Variants in CDC25B observed in about 807,000 individuals in gnomAD.
CDC25B encodes M-phase inducer phosphatase 2.
CDC25B carries 33 observed loss-of-function variants against 69.8 expected under a neutral mutation model. The observed-to-expected ratio is 0.47, with a 90% CI of 0.36 to 0.63. The LOEUF (loss-of-function observed/expected upper bound fraction) is 0.63. Ranked by LOEUF, CDC25B falls within the 30% of genes least tolerant of loss-of-function variation. The pLI is 0.00. For missense variants in CDC25B, 727 were observed against 809.1 expected (o/e 0.90, Z 1.23); for synonymous variants, 341 against 314.6 (o/e 1.08, Z -0.89).
chr20:3,795,770 G>A (rs1568501617), upstream of CDC25B: 27 of 985,492 alleles, frequency 2.7e-5, no homozygotes, highest in Non-Finnish European at 3.1e-5. Context: ...AGTCGCGGAG[G>A]CGGGGAGGCT....
In CDC25B at chr20:3,802,058, GA is replaced by G. The variant is rs1427245573; in HGVS notation, c.1057del (p.Ser353AlafsTer2). 6.4e-7 allele frequency: 1 copy of G among 1,565,008 alleles called. No homozygotes were observed. The highest frequency in any genetic ancestry group is 8.7e-7 in the Non-Finnish European group (1 of 1,154,872). On this transcript the variant is annotated frameshift_variant, in exon 10 of 16. Coordinates refer to ENST00000245960, the MANE Select transcript of CDC25B (RefSeq NM_021873.4). LOFTEE classifies it high-confidence loss of function. ...DTPVQNKRRR[S>X]VTPPEEQQEA... Reference sequence around the variant, plus strand: ...CGCCCGTGCAGAATAAGCGGAGGCGGAGCGTGACCCCTCCTGAGGAGCAGCA... The same window carrying G: ...CGCCCGTGCAGAATAAGCGGAGGCGGGCGTGACCCCTCCTGAGGAGCAGCA...
chr20:3,805,852 C>T lies in CDC25B; in HGVS notation c.*891C>T. On this transcript the variant is annotated 3_prime_UTR_variant, in exon 16 of 16. Transcript: ENST00000245960. Reference sequence around the variant, plus strand: ...GTGGATGGCCGTGGATGCGCAGTGCCTTGCATACCCAAACCAGGTGGGAGC... The same window carrying T: ...GTGGATGGCCGTGGATGCGCAGTGCTTTGCATACCCAAACCAGGTGGGAGC... 1 of 405,022 alleles carries T rather than the reference C, an allele frequency of 2.5e-6. No individual in the cohort carries two copies. The highest frequency in any genetic ancestry group is 4.4e-6 in the Non-Finnish European group (1 of 227,922). The allele number at this position is 405,022 out of a possible 1,614,324, so 25.1% of individuals were successfully genotyped here.
At position 3,805,826 on chromosome 20, in the gene CDC25B, C is replaced by T. The variant is rs1392166348; in HGVS notation, c.*865C>T. The T allele has an allele frequency of 1.2e-5, 5 of 405,700 alleles. No homozygotes were observed. The highest frequency in any genetic ancestry group is 2.1e-5 in the African/African-American group (1 of 48,750). 25.1% of individuals were successfully genotyped at this position (405,700 alleles called of 1,614,324 possible). ...AAGGTTGGATGGATGGGTGGATGGC[C>T]GTGGATGGCCGTGGATGCGCAGTGC... On this transcript the variant is annotated 3_prime_UTR_variant, in exon 16 of 16. Transcript: ENST00000245960.
chr20:3,798,303 A>G (rs1293228138), intron 2 of CDC25B, 109 bp from the exon 3 acceptor site: 2 of 721,834 alleles, frequency 2.8e-6, no homozygotes, highest in Non-Finnish European at 4.2e-6. Context: ...GTCAAAGTCC[A>G]AACTAGAAAC....
rs58192077 is a variant in CDC25B at position 3,798,315 on chromosome 20, G to GTTT, written c.329-77_329-75dup. 125 of 372,568 alleles carry GTTT rather than the reference G, an allele frequency of 3.4e-4. 1 individual carries two copies. The highest frequency in any genetic ancestry group is 1.3e-3 in the Middle Eastern group (2 of 1,526). 23.1% of individuals were successfully genotyped at this position (372,568 alleles called of 1,614,324 possible). Reference sequence around the variant, plus strand: ...TGTGTCAAAGTCCAAACTAGAAACTGTTTTTTTTTTTTTTTTTTTTTTCAT... The same window carrying GTTT: ...TGTGTCAAAGTCCAAACTAGAAACTGTTTTTTTTTTTTTTTTTTTTTTTTTCAT... On this transcript the variant is annotated intron_variant, in intron 2 of 15. Coordinates refer to ENST00000245960, the MANE Select transcript of CDC25B (RefSeq NM_021873.4).
At chr20:3,802,442 C>CAGT in intron 11 of CDC25B, 66 bp downstream of exon 11, 1 of 1,112,592 alleles carries the variant, frequency 9.0e-7, no homozygotes, top group Non-Finnish European at 1.3e-6. Context: ...GTCCTCTAGC[C>CAGT]CAGGGGCTGC....
Position 3,804,622 on chromosome 20 carries a change from A to G in CDC25B, c.1544A>G (p.Tyr515Cys). The G allele has an allele frequency of 1.2e-6, 2 of 1,614,038 alleles. No individual in the cohort carries two copies. Among genetic ancestry groups the G allele is most frequent in the Non-Finnish European group, 1.7e-6 (2 of 1,179,948 alleles). Residue 515 changes from tyrosine (Y) to cysteine (C), a missense_variant, in exon 15 of 16, where the codon TAC becomes TGC. Tyr to Cys is a radical substitution (Grantham distance 194). Coordinates refer to ENST00000245960, the MANE Select transcript of CDC25B (RefSeq NM_021873.4). ...DRAVNDYPSL[Y>C]YPEMYILKGG... ...GCTGTCAACGACTACCCCAGCCTCTACTACCCTGAGATGTATATCCTGAAA... is the reference window on the plus strand; with the variant it reads ...GCTGTCAACGACTACCCCAGCCTCTGCTACCCTGAGATGTATATCCTGAAA...
Position 3,801,100 on chromosome 20 carries a change from C to A in CDC25B, c.705+7C>A, listed in dbSNP as rs77445810. The A allele has an allele frequency of 1.2e-6, 2 of 1,613,898 alleles. No homozygotes were observed. The highest frequency in any genetic ancestry group is 2.7e-5 in the African/African-American group (2 of 75,056). ...CTCGGCCCCCGACCTGATGGTACAT[C>A]CAGAGAGCGGATCCCTGGGAGGGGC... On this transcript the variant is annotated splice_region_variant and intron_variant, in intron 7 of 15. Transcript: ENST00000245960.
chr20:3,800,387 A>C (rs1026306433), intron 4 of CDC25B, 58 bp downstream of exon 4: 106 of 1,611,396 alleles, frequency 6.6e-5, no homozygotes, highest in Non-Finnish European at 8.4e-5. Context: ...ACAGGGCTCC[A>C]GAAGGGCATG....
At chr20:3,795,712 C>G (rs1243172499), upstream of CDC25B, 1 of 985,444 alleles carries the variant, frequency 1.0e-6, no homozygotes, top group Non-Finnish European at 1.2e-6. Flanking sequence ...ACCTCCTACG[C>G]TGGGCGCTTC....
chr20:3,803,775 C>A lies in CDC25B; in HGVS notation c.1490+238C>A, dbSNP rs2089375999. On this transcript the variant is annotated intron_variant, in intron 14 of 15. Transcript: ENST00000245960. The surrounding 1 kb of genome is among the most constrained non-coding windows in gnomAD (Gnocchi z 4.9). ...ACCCCACATCCATTACTGCCACCCT[C>A]AGAAAATTTAGTTCCAAGTCTCTAG... Among the ~76,000 whole-genome samples, 1 of 152,190 alleles carries A rather than the reference C, an allele frequency of 6.6e-6. No homozygotes were observed. The highest frequency in any genetic ancestry group is 1.5e-5 in the Non-Finnish European group (1 of 68,026).
Position 3,801,343 on chromosome 20 carries a change from T to C in CDC25B, c.795T>C (p.Thr265=), listed in dbSNP as rs754387843. Reference sequence around the variant, plus strand: ...CTCTGACCCCTGCAGAGGGGGATACTGAGGAAGATGATGGATTTGTGGACA... The same window carrying C: ...CTCTGACCCCTGCAGAGGGGGATACCGAGGAAGATGATGGATTTGTGGACA... ...RFSLTPAEGD[T]EEDDGFVDIL... Residue 265 remains threonine (T), a synonymous_variant, in exon 8 of 16, where the codon ACT becomes ACC. Coordinates refer to ENST00000245960, the MANE Select transcript of CDC25B (RefSeq NM_021873.4). 3 of 1,613,972 alleles carry C rather than the reference T, an allele frequency of 1.9e-6. No individual in the cohort carries two copies. The East Asian group carries it at 6.7e-5, about 36-fold the overall frequency.
chr20:3,793,896 A>G (rs1364564773), upstream of CDC25B, among the ~76,000 whole-genome samples: 4 of 150,324 alleles, frequency 2.7e-5, no homozygotes, highest in Admixed American at 6.6e-5. Context: ...ATTATTTCCA[A>G]TTTCATCCAT....
chr20:3,798,313 CTGTTT>C (rs528795973), intron 2 of CDC25B, 94 bp from the exon 3 acceptor site: 5 of 624,214 alleles, frequency 8.0e-6, no homozygotes, highest in South Asian at 6.3e-5. Flanking sequence ...AAACTAGAAA[CTGTTT>C]TTTTTTTTTT....
Position 3,802,085 on chromosome 20 carries a change from G to T in CDC25B, c.1083G>T (p.Gln361His). 6.4e-7 allele frequency: 1 copy of T among 1,553,254 alleles called. No homozygotes were observed. The highest frequency in any genetic ancestry group is 8.7e-7 in the Non-Finnish European group (1 of 1,147,440). Reference protein sequence around the residue: ...RRSVTPPEEQQEAEEPKARVL... With the variant: ...RRSVTPPEEQHEAEEPKARVL... ...GCGTGACCCCTCCTGAGGAGCAGCAGGAGGCTGAGGAACCTGTGAGTGCCT... is the reference window on the plus strand; with the variant it reads ...GCGTGACCCCTCCTGAGGAGCAGCATGAGGCTGAGGAACCTGTGAGTGCCT... Residue 361 changes from glutamine (Q) to histidine (H), a missense_variant, in exon 10 of 16, where the codon CAG (glutamine) becomes CAT (histidine). Around this residue, in one of 2 missense-constraint regions of CDC25B, gnomAD observed 359 missense variants for 463.4 expected, o/e 0.77. Transcript: ENST00000245960.
upstream of CDC25B, among the ~76,000 whole-genome samples, chr20:3,791,388 C>G (rs1333501345): frequency 6.6e-6 from 1 of 152,026 alleles, no homozygotes; most frequent in African/African-American, 2.4e-5. Flanking sequence ...AAGGAGATTT[C>G]AATACTTAAT....
intron 3 of CDC25B, 38 bp from the exon 4 acceptor site, chr20:3,800,247 CGGA>C (rs2089227653): frequency 7.4e-7 from 1 of 1,356,238 alleles, no homozygotes; most frequent in African/African-American, 1.9e-5. Context: ...GTGATGGGTG[CGGA>C]GGGAGCATGG....
rs751354593 is a variant in CDC25B, at chr20:3,797,631, A to G, written c.210A>G (p.Pro70=). The change falls in exon 2 of 16, where the codon CCA becomes CCG. Residue 70 remains proline (P), a synonymous_variant. Transcript: ENST00000245960. ...CCTGTTCCCTTCCCAGCGAAACCCCAAAGAGTCAGGTAGGGACCCTGCTCT... is the reference window on the plus strand; with the variant it reads ...CCTGTTCCCTTCCCAGCGAAACCCCGAAGAGTCAGGTAGGGACCCTGCTCT... ...HDLAGLGSET[P]KSQVGTLLFR... is the part of the protein sequence containing the mutation. 1.1e-5 allele frequency: 17 copies of G among 1,614,102 alleles called. No homozygotes were observed. The East Asian group carries it at 3.3e-4, about 32-fold the overall frequency.
intron 3 of CDC25B, among the ~76,000 whole-genome samples, chr20:3,798,893 C>T (rs2089163001): frequency 6.6e-6 from 1 of 152,230 alleles, no homozygotes. Context: ...ACACAGTTGC[C>T]TGCAGATTGA....
Sources: gnomAD v4.1 joint callset for allele counts (sites outside exome capture counted in the v4.1 genomes callset) on GRCh38, gnomAD v4.1.1 for gene constraint, gnomAD v4.1.1 regional missense constraint, Gnocchi (gnomAD v3.1) non-coding constraint, MANE v1.5 for transcripts, NCBI Gene and HGNC (gene_info 2026-07-23, HGNC 2026-07-21) for gene names.